Variants in ERAP1 observed in about 807,000 individuals in gnomAD.
ERAP1 encodes the protein adipocyte-derived leucine aminopeptidase.
A neutral mutation model predicts 103.7 loss-of-function variants in ERAP1; 86 were observed. The ratio of observed to expected loss-of-function variants is 0.83; its 90% CI spans 0.70 to 0.99. The LOEUF is 0.99. Ranked by LOEUF, ERAP1 falls within the 50% of genes least tolerant of loss-of-function variation. ERAP1 has a pLI of 0.00. For missense variants in ERAP1, 1,009 were observed against 1,128.4 expected (o/e 0.89, Z 1.52); for synonymous variants, 398 against 402.4 (o/e 0.99, Z 0.13).
downstream of ERAP1, chr5:96,770,673 AT>A: frequency 9.7e-7 from 1 of 1,030,684 alleles, no homozygotes; most frequent in African/African-American, 1.6e-5. Context: ...CATTTCAGTC[AT>A]TTAGTTTCCT....
chr5:96,815,093 A>G, the ERAP1 span, among the ~76,000 whole-genome samples: 1 of 152,250 alleles, frequency 6.6e-6, no homozygotes, highest in Admixed American at 6.5e-5. Flanking sequence ...GAGAAGGGAA[A>G]GAGACCAAGA....
chr5:96,913,404 G>A, the ERAP1 span: 1 of 1,614,110 alleles, frequency 6.2e-7, no homozygotes, highest in Admixed American at 1.7e-5. Flanking sequence ...GTCCAAAGGG[G>A]CAGCAACTAG....
chr5:96,881,299 A>C, the ERAP1 span: 1 of 407,638 alleles, frequency 2.5e-6, no homozygotes, highest in Non-Finnish European at 4.9e-6. Context: ...AGTGATGCTA[A>C]TTTGGGCCAG....
At chr5:96,851,427 T>A in the ERAP1 span, among the ~76,000 whole-genome samples, 2 of 152,138 alleles carry the variant, frequency 1.3e-5, no homozygotes, top group Non-Finnish European at 2.9e-5. Flanking sequence ...GAAATAAAAA[T>A]CTCGAGCCCT....
At chr5:96,922,316 C>CA in the ERAP1 span, among the ~76,000 whole-genome samples, 61 of 151,750 alleles carry the variant, frequency 4.0e-4, no homozygotes, top group African/African-American at 8.0e-4. Context: ...AAAACAAAAA[C>CA]AAAAAAAACT....
intron 4 of ERAP1, 69 bp from the exon 5 acceptor site, chr5:96,795,231 A>G (rs1445894464): frequency 1.3e-6 from 2 of 1,590,354 alleles, no homozygotes; most frequent in African/African-American, 2.7e-5. Flanking sequence ...TGTGTAGAAG[A>G]CTGACATTAA....
chr5:96,863,717 C>A, the ERAP1 span, among the ~76,000 whole-genome samples: 2 of 152,190 alleles, frequency 1.3e-5, no homozygotes, highest in Non-Finnish European at 2.9e-5. Context: ...ACATTTCTAA[C>A]TACCCACTGA....
upstream of ERAP1, among the ~76,000 whole-genome samples, chr5:96,811,964 C>G (rs1372564190): frequency 2.6e-5 from 4 of 152,228 alleles, no homozygotes; most frequent in Admixed American, 1.3e-4. Flanking sequence ...TGCTCTCTAG[C>G]CAGTCTTCTG....
intron 19 of ERAP1, chr5:96,765,403 A>G (rs1245069879): frequency 4.2e-6 from 3 of 717,558 alleles, no homozygotes; most frequent in East Asian, 5.4e-5. Flanking sequence ...TGTCATTGTC[A>G]TAGGAATATT....
the ERAP1 span, among the ~76,000 whole-genome samples, chr5:96,898,572 CAAAAAAA>C: frequency 7.4e-5 from 7 of 94,452 alleles, no homozygotes; most frequent in African/African-American, 2.6e-4. Context: ...TACTAAAATA[CAAAAAAA>C]AAAAAAAAAA....
At chr5:96,818,904 T>G in the ERAP1 span, among the ~76,000 whole-genome samples, 101 of 148,708 alleles carry the variant, frequency 6.8e-4, no homozygotes, top group Middle Eastern at 3.4e-3. Context: ...ATTTATTTAT[T>G]TATTTATTTA....
chr5:96,778,985 C>A (rs1197441739), intron 18 of ERAP1, among the ~76,000 whole-genome samples: 1 of 152,172 alleles, frequency 6.6e-6, no homozygotes, highest in Admixed American at 6.5e-5. Context: ...GATCTTCGCA[C>A]CTGATATTTC....
chr5:96,797,119 C>G, intron 4 of ERAP1, 56 bp downstream of exon 4: 4 of 1,611,750 alleles, frequency 2.5e-6, no homozygotes, highest in Non-Finnish European at 3.4e-6. Flanking sequence ...GTTTTAAAAC[C>G]AGTTCCAAGC....
the ERAP1 span, chr5:96,917,335 C>T: frequency 1.1e-5 from 8 of 696,132 alleles, no homozygotes; most frequent in Middle Eastern, 4.4e-4. Context: ...TGCCTAGGCT[C>T]GTATTGAACT....
chr5:96,785,722 A>C, intron 13 of ERAP1, 66 bp downstream of exon 13: 1 of 1,546,940 alleles, frequency 6.5e-7, no homozygotes, highest in Non-Finnish European at 8.9e-7. Context: ...GTCTTTAGAA[A>C]TCAAGAATTT....
chr5:96,803,350 A>C, intron 2 of ERAP1, 53 bp downstream of exon 2: 1 of 1,526,406 alleles, frequency 6.6e-7, no homozygotes, highest in Non-Finnish European at 9.0e-7. Context: ...TGAAATAATG[A>C]ATTTAGCGTG....
the ERAP1 span, chr5:96,876,371 T>C: frequency 6.6e-6 from 1 of 152,338 alleles, no homozygotes; most frequent in Non-Finnish European, 1.5e-5. Flanking sequence ...CTTTTTGAAA[T>C]AAAGCTCTTA....
chr5:96,894,929 C>T, the ERAP1 span, among the ~76,000 whole-genome samples: 1 of 152,010 alleles, frequency 6.6e-6, no homozygotes, highest in Non-Finnish European at 1.5e-5. Flanking sequence ...AAACTACCTC[C>T]ATAAAGTGTT....
the ERAP1 span, among the ~76,000 whole-genome samples, chr5:96,844,706 C>T: frequency 8.5e-5 from 13 of 152,280 alleles, no homozygotes; most frequent in African/African-American, 3.1e-4. Context: ...TAGACAGACA[C>T]TGAAAGCAAG....
Sources: allele counts gnomAD v4.1 joint callset (sites outside exome capture counted in the v4.1 genomes callset), GRCh38; gene constraint gnomAD v4.1.1; transcripts MANE v1.5; gene names NCBI Gene and HGNC (gene_info 2026-07-23, HGNC 2026-07-21).